CNTN4: variants seen among roughly 807,000 people sequenced by gnomAD.
CNTN4 encodes the protein contactin 4, also known as contactin-4.
In CNTN4, 77 loss-of-function variants were observed where a neutral mutation model predicts 122.5. That is an observed-to-expected ratio of 0.63 (90% confidence interval 0.52 to 0.76). The LOEUF is 0.76. Ranked by LOEUF, CNTN4 falls within the 30% of genes least tolerant of loss-of-function variation. The pLI, the probability that CNTN4 is intolerant of heterozygous loss-of-function variation, is 0.00. For missense variants in CNTN4, 1,256 were observed against 1,259.1 expected, an observed-to-expected ratio of 1.00 and a Z score of 0.04; for synonymous variants, 512 against 447.0, an observed-to-expected ratio of 1.15 and a Z score of -1.83.
Position 2,106,106 on chromosome 3 carries a change from G to C in CNTN4, c.-145+5467G>C, listed in dbSNP as rs908030712. Among the ~76,000 whole-genome samples, 9 of 152,334 alleles carry C rather than the reference G, an allele frequency of 5.9e-5. No individual in the cohort carries two copies. The South Asian group carries it at 1.2e-3, about 21-fold the overall frequency. On this transcript the variant is annotated intron_variant, in intron 2 of 24. Coordinates refer to ENST00000418658, the MANE Select transcript of CNTN4 (RefSeq NM_175607.3). ...CTGATGCAGGAGGTGGGCTCCCACT[G>C]TCTGGGGCAGTTCTGCCCCTCTGGC...
At chr3:2,441,003 A>T (rs1293464279) in intron 3 of CNTN4, among the ~76,000 whole-genome samples, 1 of 150,890 alleles carries the variant, frequency 6.6e-6, no homozygotes, top group Admixed American at 6.6e-5. Context: ...ATATGTGTGT[A>T]TATATATATA....
chr3:2,920,097 T>G (rs1035300854), intron 12 of CNTN4, among the ~76,000 whole-genome samples: 1 of 151,978 alleles, frequency 6.6e-6, no homozygotes, highest in Non-Finnish European at 1.5e-5. Flanking sequence ...GAAGTGCCGA[T>G]ATTGAAGATG....
chr3:2,668,919 C>G (rs2084333097), intron 4 of CNTN4, among the ~76,000 whole-genome samples: 1 of 152,008 alleles, frequency 6.6e-6, no homozygotes, highest in Admixed American at 6.6e-5. Flanking sequence ...GTTGAACCAG[C>G]CTTGCATCAT....
intron 2 of CNTN4, among the ~76,000 whole-genome samples, chr3:2,267,059 G>C (rs1402776561): frequency 6.6e-6 from 1 of 152,038 alleles, no homozygotes; most frequent in Non-Finnish European, 1.5e-5. Context: ...GGTGCCAGGG[G>C]AATTTTCCTT....
intron 7 of CNTN4, among the ~76,000 whole-genome samples, chr3:2,844,603 A>G (rs569899706): frequency 1.4e-4 from 21 of 152,302 alleles, no homozygotes; most frequent in African/African-American, 4.8e-4. Context: ...CCCCTTATCT[A>G]TCTGTATTGG....
At chr3:2,711,882 A>G (rs2087172054) in intron 4 of CNTN4, among the ~76,000 whole-genome samples, 1 of 152,346 alleles carries the variant, frequency 6.6e-6, no homozygotes, top group South Asian at 2.1e-4. Context: ...GACAGAGCCT[A>G]TCTACCAGTT....
intron 2 of CNTN4, among the ~76,000 whole-genome samples, chr3:2,208,267 G>A (rs9866220): frequency 0.037 from 5,686 of 152,194 alleles, 190 homozygotes; most frequent in African/African-American, 0.088. Context: ...ATTACCAGAA[G>A]TTTGGAAGAA....
chr3:2,394,935 C>T (rs1223206408), intron 3 of CNTN4, among the ~76,000 whole-genome samples: 1 of 151,874 alleles, frequency 6.6e-6, no homozygotes, highest in African/African-American at 2.4e-5. Flanking sequence ...TACAGACCCC[C>T]ACCACCACAC....
intron 4 of CNTN4, among the ~76,000 whole-genome samples, chr3:2,635,066 T>C (rs899875745): frequency 6.6e-6 from 1 of 152,140 alleles, no homozygotes; most frequent in African/African-American, 2.4e-5. Flanking sequence ...TAGGGGAATT[T>C]GTAAGTTTTC....
At chr3:2,886,451 C>T (rs2093980329) in intron 9 of CNTN4, among the ~76,000 whole-genome samples, 1 of 147,756 alleles carries the variant, frequency 6.8e-6, no homozygotes. Flanking sequence ...TATGAGGAAA[C>T]ATATATAACA....
intron 13 of CNTN4, among the ~76,000 whole-genome samples, chr3:2,950,313 A>G (rs1045702877): frequency 3.9e-5 from 6 of 152,158 alleles, no homozygotes; most frequent in Non-Finnish European, 5.9e-5. Flanking sequence ...TGGCATCTGC[A>G]TCCTCCCAGA....
intron 2 of CNTN4, among the ~76,000 whole-genome samples, chr3:2,218,871 G>A (rs1043568849): frequency 7.2e-5 from 11 of 152,162 alleles, no homozygotes; most frequent in Non-Finnish European, 5.9e-5. Context: ...TTATCAGTTA[G>A]GACTAAAATG....
intron 9 of CNTN4, among the ~76,000 whole-genome samples, chr3:2,884,098 C>CTTT (rs35945793): frequency 6.8e-6 from 1 of 146,964 alleles, no homozygotes; most frequent in Non-Finnish European, 1.5e-5. Flanking sequence ...ACAACAGTAA[C>CTTT]TTTTTTTTTT....
intron 3 of CNTN4, among the ~76,000 whole-genome samples, chr3:2,429,008 A>T (rs1047410786): frequency 2.0e-5 from 3 of 151,996 alleles, no homozygotes; most frequent in African/African-American, 7.3e-5. Flanking sequence ...CTTCTTTGTG[A>T]TGGGTTCGGA....
intron 14 of CNTN4, among the ~76,000 whole-genome samples, chr3:3,009,954 G>A (rs577434194): frequency 1.3e-5 from 2 of 151,370 alleles, no homozygotes; most frequent in East Asian, 3.9e-4. Flanking sequence ...TCGGCTGATC[G>A]CTACCTAGAG....
At chr3:2,361,824 G>A (rs1050706827) in intron 3 of CNTN4, among the ~76,000 whole-genome samples, 7 of 152,164 alleles carry the variant, frequency 4.6e-5, no homozygotes, top group African/African-American at 1.7e-4. Context: ...GAATCTGTGA[G>A]GGAGCAGGAT....
At chr3:2,658,941 A>G (rs1301840680) in intron 4 of CNTN4, among the ~76,000 whole-genome samples, 1 of 145,520 alleles carries the variant, frequency 6.9e-6, no homozygotes, top group Non-Finnish European at 1.5e-5. Context: ...GGACATGCAA[A>G]TAACACACCC....
chr3:3,043,094 G>C lies in CNTN4; in HGVS notation c.2629G>C (p.Val877Leu), dbSNP rs776230824. ...LKGSVLYHLA[V>L]KAYNSAGTGP... ...AGGCAGTGTGCTGTATCACTTAGCT[G>C]TCAAGGCATATAATTCTGCTGGGAC... Residue 877 changes from valine (V) to leucine (L), a missense_variant, in exon 22 of 25, where the codon GTC becomes CTC. By Grantham distance (32) the Val-to-Leu change is conservative. Transcript: ENST00000418658. 3 of 1,614,192 alleles carry C rather than the reference G, an allele frequency of 1.9e-6. No individual in the cohort carries two copies. The highest frequency in any genetic ancestry group is 1.7e-6 in the Non-Finnish European group (2 of 1,180,032).
chr3:2,719,298 C>CTT (rs59683109), intron 4 of CNTN4, among the ~76,000 whole-genome samples: 22 of 141,104 alleles, frequency 1.6e-4, no homozygotes, highest in Admixed American at 1.4e-4. Context: ...CAAGACTTCA[C>CTT]TTTTTTTTTT....
Sources: gnomAD v4.1 joint callset for allele counts (sites outside exome capture counted in the v4.1 genomes callset) on GRCh38, gnomAD v4.1.1 for gene constraint, MANE v1.5 for transcripts, NCBI Gene and HGNC (gene_info 2026-07-23, HGNC 2026-07-21) for gene names.